The following TMEM132D variants were observed in gnomAD, a reference collection of about 807,000 sequenced individuals.
TMEM132D encodes the protein mature OL transmembrane protein.
A neutral mutation model predicts 62.3 loss-of-function variants in TMEM132D; 21 were observed. The ratio of observed to expected loss-of-function variants is 0.34; its 90% confidence interval spans 0.24 to 0.49. The LOEUF is 0.49. TMEM132D is among the 20% of genes least tolerant of loss of function. The pLI, the probability that TMEM132D is intolerant of heterozygous loss-of-function variation, is 0.99. For missense variants in TMEM132D, 1,346 were observed against 1,402.8 expected (o/e 0.96, Z 0.65); for synonymous variants, 621 against 575.6 (o/e 1.08, Z -1.13).
At chr12:129,853,996 C>T (rs76500728) in intron 1 of TMEM132D, among the ~76,000 whole-genome samples, 4 of 152,112 alleles carry the variant, frequency 2.6e-5, no homozygotes, top group South Asian at 2.1e-4. Context: ...AATGCAATAA[C>T]GCAAAGAAAA....
At chr12:129,399,189 G>A (rs113841119) in intron 3 of TMEM132D, among the ~76,000 whole-genome samples, 3,745 of 132,640 alleles carry the variant, frequency 0.028, 606 homozygotes, top group African/African-American at 0.13. Context: ...TTCTGCAATA[G>A]CTAACCCACT....
At chr12:129,798,213 A>G (rs933084027) in intron 1 of TMEM132D, among the ~76,000 whole-genome samples, 12 of 151,754 alleles carry the variant, frequency 7.9e-5, no homozygotes, top group Admixed American at 4.6e-4. Context: ...AGCCAATTAA[A>G]CCTCTTTTCT....
At chr12:129,849,321 A>G (rs1464075259) in intron 1 of TMEM132D, among the ~76,000 whole-genome samples, 1 of 152,214 alleles carries the variant, frequency 6.6e-6, no homozygotes, top group Non-Finnish European at 1.5e-5. Context: ...TCTAAAATAC[A>G]TGCCTAAATA....
intron 2 of TMEM132D, among the ~76,000 whole-genome samples, chr12:129,568,952 A>G (rs139076549): frequency 0.012 from 1,844 of 152,268 alleles, 23 homozygotes; most frequent in Non-Finnish European, 0.019. Flanking sequence ...GAGGGATTAA[A>G]TCACAGAAGG....
At chr12:129,286,103 A>T (rs1881290637) in intron 4 of TMEM132D, among the ~76,000 whole-genome samples, 1 of 152,250 alleles carries the variant, frequency 6.6e-6, no homozygotes, top group Admixed American at 6.5e-5. Flanking sequence ...TTCTGGAAAG[A>T]AAGTTTCTCT....
intron 3 of TMEM132D, among the ~76,000 whole-genome samples, chr12:129,397,288 C>T (rs1438477911): frequency 6.6e-6 from 1 of 152,104 alleles, no homozygotes; most frequent in Non-Finnish European, 1.5e-5. Context: ...GAGAGTATTG[C>T]TTGTCTGGGA....
intron 2 of TMEM132D, among the ~76,000 whole-genome samples, chr12:129,560,783 C>A (rs1877201872): frequency 6.6e-6 from 1 of 152,178 alleles, no homozygotes; most frequent in Non-Finnish European, 1.5e-5. Context: ...CAGGGAGAGT[C>A]AAGAGTGGCT....
chr12:129,830,011 A>C (rs951779879), intron 1 of TMEM132D, among the ~76,000 whole-genome samples: 7 of 152,128 alleles, frequency 4.6e-5, no homozygotes, highest in African/African-American at 1.7e-4. Context: ...GATCTCACTC[A>C]GCTCCAAGCC....
intron 1 of TMEM132D, among the ~76,000 whole-genome samples, chr12:129,801,852 T>C (rs1195407170): frequency 1.3e-5 from 2 of 150,546 alleles, no homozygotes; most frequent in Admixed American, 6.6e-5. Context: ...AAGGAGCTGA[T>C]GGAGCTGAAA....
At chr12:129,080,065 G>A (rs1343247783) in intron 7 of TMEM132D, among the ~76,000 whole-genome samples, 1 of 152,176 alleles carries the variant, frequency 6.6e-6, no homozygotes. Context: ...TAGATTTATG[G>A]TAGGGATTCA....
At chr12:129,666,525 G>C (rs527301868) in intron 2 of TMEM132D, among the ~76,000 whole-genome samples, 16 of 152,302 alleles carry the variant, frequency 1.1e-4, no homozygotes, top group Non-Finnish European at 1.9e-4. Flanking sequence ...ATTAAGGTCA[G>C]ATATCAAATC....
At chr12:129,737,391 T>C (rs1869461496) in intron 1 of TMEM132D, among the ~76,000 whole-genome samples, 1 of 152,230 alleles carries the variant, frequency 6.6e-6, no homozygotes, top group Non-Finnish European at 1.5e-5. Flanking sequence ...GTTGACAAGA[T>C]CGAACACTTG....
intron 3 of TMEM132D, among the ~76,000 whole-genome samples, chr12:129,436,069 C>T (rs1191758563): frequency 6.6e-6 from 1 of 152,156 alleles, no homozygotes; most frequent in Non-Finnish European, 1.5e-5. Context: ...CCCTTTCTTC[C>T]TGTCTGAAGT....
intron 5 of TMEM132D, among the ~76,000 whole-genome samples, chr12:129,138,878 T>C (rs1286134855): frequency 6.6e-6 from 1 of 152,228 alleles, no homozygotes; most frequent in Non-Finnish European, 1.5e-5. Context: ...GGTTTGCCCA[T>C]GCTCTGCAGC....
At position 129,270,292 on chromosome 12, in the gene TMEM132D, C is replaced by A. The variant is rs537865036; in HGVS notation, c.1300-60629G>T. On this transcript the variant is annotated intron_variant, in intron 4 of 8. Transcript: ENST00000422113. ...CTATATTGAGACCATAAGCTCAGCT[C>A]TCACAAATCTGGTCTGGTTACCATA... Among the ~76,000 whole-genome samples, 4 of 152,268 alleles carry A rather than the reference C, an allele frequency of 2.6e-5. No individual in the cohort carries two copies. The South Asian group carries it at 8.3e-4, about 32-fold the overall frequency.
At chr12:129,460,541 A>T (rs921002089) in intron 3 of TMEM132D, among the ~76,000 whole-genome samples, 5 of 152,144 alleles carry the variant, frequency 3.3e-5, no homozygotes, top group African/African-American at 1.2e-4. Flanking sequence ...ATGAGATGGC[A>T]TCATAATTAG....
At chr12:129,378,907 T>G (rs1870858321) in intron 3 of TMEM132D, among the ~76,000 whole-genome samples, 1 of 152,190 alleles carries the variant, frequency 6.6e-6, no homozygotes, top group South Asian at 2.1e-4. Context: ...AAATGCAATG[T>G]CTCGGCGTTC....
chr12:129,301,605 T>G (rs1251367648), intron 4 of TMEM132D, among the ~76,000 whole-genome samples: 1 of 152,152 alleles, frequency 6.6e-6, no homozygotes, highest in East Asian at 1.9e-4. Context: ...ATAAAGACAG[T>G]CACAGCAGCA....
At chr12:129,683,105 A>C (rs1404690209) in intron 2 of TMEM132D, 1 of 152,004 alleles carries the variant, frequency 6.6e-6, no homozygotes, top group Non-Finnish European at 1.5e-5. Flanking sequence ...AAAATATTTT[A>C]GTTAGCTCAG....
Sources: gnomAD v4.1 joint callset for allele counts (sites outside exome capture counted in the v4.1 genomes callset) on GRCh38, gnomAD v4.1.1 for gene constraint, MANE v1.5 for transcripts, NCBI Gene and HGNC (gene_info 2026-07-23, HGNC 2026-07-21) for gene names.